The following PCDHGA8 variants were observed in gnomAD, a reference collection of about 807,000 sequenced individuals.
The protein encoded by PCDHGA8 is protocadherin gamma subfamily A, 8, also known as protocadherin gamma-A8.
PCDHGA8 carries 45 observed loss-of-function variants against 59.2 expected under a neutral mutation model. The ratio of observed to expected loss-of-function variants is 0.76; its 90% CI spans 0.60 to 0.98. The LOEUF (loss-of-function observed/expected upper bound fraction) is 0.98, where lower values mean the gene tolerates loss of function less well. PCDHGA8 is among the 50% of genes least tolerant of loss of function. The probability of loss-of-function intolerance (pLI) is 0.00; values close to 1 mark genes in which losing one functional copy is unlikely to be tolerated. For synonymous variants in PCDHGA8, 531 were observed against 519.0 expected (o/e 1.02, Z -0.32); for missense variants, 1,257 against 1,196.2 (o/e 1.05, Z -0.75).
At chr5:141,426,492 T>A (rs1439487321) in intron 1 of PCDHGA8, 11 of 336,712 alleles carry the variant, frequency 3.3e-5, no homozygotes, top group South Asian at 2.6e-4. Flanking sequence ...TTAGAGTTAG[T>A]GCAGAGAAAC....
At chr5:141,445,632 T>C (rs940642775) in intron 1 of PCDHGA8, among the ~76,000 whole-genome samples, 19 of 152,116 alleles carry the variant, frequency 1.2e-4, no homozygotes, top group Admixed American at 1.1e-3. Flanking sequence ...GAAAGTGATA[T>C]TTAGAGAGAT....
In PCDHGA8 at chr5:141,453,101, TTTTTG is replaced by T. The variant is rs879618609; in HGVS notation, c.2425-41681_2425-41677del. ...GTTGATTAGTATATTTTCTGTTGCT[TTTTTG>T]TTTTGTTTTGTTTTGTTTTGTTTTT... On this transcript the variant is annotated intron_variant, in intron 1 of 3. Transcript: ENST00000398604. 4.4e-4 allele frequency among the ~76,000 whole-genome samples: 67 copies of T among 152,130 alleles called. 1 individual carries two copies. Among genetic ancestry groups the T allele is most frequent in the African/African-American group, 1.4e-3 (58 of 41,484 alleles).
chr5:141,506,280 C>CT (rs1455257972), intron 3 of PCDHGA8, among the ~76,000 whole-genome samples: 1 of 152,024 alleles, frequency 6.6e-6, no homozygotes, highest in Non-Finnish European at 1.5e-5. Flanking sequence ...GAAACCCTGT[C>CT]TCTACTAAAA....
chr5:141,501,621 A>T (rs1348614977), intron 2 of PCDHGA8, among the ~76,000 whole-genome samples: 1 of 152,100 alleles, frequency 6.6e-6, no homozygotes, highest in Non-Finnish European at 1.5e-5. Context: ...ACTCTGGTAT[A>T]GTCTCTCAAC....
At chr5:141,418,894 A>G (rs200182481) in intron 1 of PCDHGA8, 2 of 1,614,004 alleles carry the variant, frequency 1.2e-6, no homozygotes, top group East Asian at 4.5e-5. Context: ...ACAACAGCCC[A>G]GAAATAATCA....
At chr5:141,448,921 G>A (rs1323304761) in intron 1 of PCDHGA8, among the ~76,000 whole-genome samples, 3 of 152,120 alleles carry the variant, frequency 2.0e-5, no homozygotes, top group Admixed American at 1.3e-4. Flanking sequence ...CTCCAGCCTG[G>A]GCGACAGAGC....
At chr5:141,417,982 G>A (rs756382601) in intron 1 of PCDHGA8, 4 of 1,613,886 alleles carry the variant, frequency 2.5e-6, no homozygotes, top group Admixed American at 3.3e-5. Flanking sequence ...CGGAGGAGCT[G>A]GCCAAGGGCT....
chr5:141,459,548 C>G (rs980305784), intron 1 of PCDHGA8, among the ~76,000 whole-genome samples: 2 of 152,036 alleles, frequency 1.3e-5, no homozygotes, highest in African/African-American at 4.8e-5. Flanking sequence ...TTTTATTTCT[C>G]TTGGATAAAT....
In PCDHGA8 at chr5:141,491,667, G is replaced by C. The variant is rs746903142; in HGVS notation, c.2425-3140G>C. The C allele has an allele frequency of 3.7e-6, 6 of 1,613,678 alleles. No individual in the cohort carries two copies. The South Asian group carries it at 6.6e-5, about 18-fold the overall frequency. On this transcript the variant is annotated intron_variant, in intron 1 of 3. Transcript: ENST00000398604. This position sits in a 1 kb window ranked among gnomAD's most constrained non-coding sequence, Gnocchi z 6.9. Reference sequence around the variant, plus strand: ...TGGCGCTGGAGCCTGACGCCATCCGGTCCCGCTCTAATACGCTGCGGGAGC... The same window carrying C: ...TGGCGCTGGAGCCTGACGCCATCCGCTCCCGCTCTAATACGCTGCGGGAGC...
chr5:141,413,122 G>A, intron 1 of PCDHGA8: 1 of 1,525,890 alleles, frequency 6.6e-7, no homozygotes. Flanking sequence ...GGAACCGGTT[G>A]AAACACACAA....
At chr5:141,460,122 G>A (rs530307574) in intron 1 of PCDHGA8, among the ~76,000 whole-genome samples, 2 of 151,928 alleles carry the variant, frequency 1.3e-5, no homozygotes, top group African/African-American at 4.8e-5. Flanking sequence ...TTTTATATAT[G>A]TAATATATAT....
Position 141,490,202 on chromosome 5 carries a change from G to A in PCDHGA8, c.2425-4605G>A, listed in dbSNP as rs1594889134. On this transcript the variant is annotated intron_variant, in intron 1 of 3. Coordinates refer to ENST00000398604, the MANE Select transcript of PCDHGA8 (RefSeq NM_032088.2). The surrounding 1 kb of genome is among the most constrained non-coding windows in gnomAD (Gnocchi z 5.4). ...TCACGTTTCTATGAAATTCATGCAA[G>A]AGCCCGTGACCAGGGACAGCCTGCC... 1.2e-6 allele frequency: 2 copies of A among 1,614,220 alleles called. No homozygotes were observed. The highest frequency in any genetic ancestry group is 2.7e-5 in the African/African-American group (2 of 75,060).
intron 1 of PCDHGA8, chr5:141,398,042 T>C: frequency 6.7e-7 from 1 of 1,495,000 alleles, no homozygotes; most frequent in East Asian, 2.4e-5. Context: ...CTAAAGCCCG[T>C]TCGGAGATCC....
At chr5:141,447,209 G>A (rs1004956165) in intron 1 of PCDHGA8, among the ~76,000 whole-genome samples, 3 of 151,850 alleles carry the variant, frequency 2.0e-5, no homozygotes, top group East Asian at 3.9e-4. Context: ...GCTTGATCTC[G>A]GCTCACTGCA....
intron 1 of PCDHGA8, chr5:141,410,314 C>T: frequency 6.2e-7 from 1 of 1,614,036 alleles, no homozygotes; most frequent in Non-Finnish European, 8.5e-7. Context: ...TGCTCTTCCT[C>T]CTCGCCGTGA....
chr5:141,400,789 C>G (rs1415192979), intron 1 of PCDHGA8: 1 of 561,844 alleles, frequency 1.8e-6, no homozygotes, highest in Non-Finnish European at 3.1e-6. Context: ...TTTTTGTCCT[C>G]TTTCTCAAAG....
intron 1 of PCDHGA8, chr5:141,430,941 A>G: frequency 6.2e-7 from 1 of 1,608,258 alleles, no homozygotes; most frequent in Non-Finnish European, 8.5e-7. Context: ...GAGCTCGCGG[A>G]GCGCGGAGTC....
chr5:141,489,254 C>T lies in PCDHGA8; in HGVS notation c.2425-5553C>T, dbSNP rs2099684538. 2 of 1,548,628 alleles carry T rather than the reference C, an allele frequency of 1.3e-6. No homozygotes were observed. Among genetic ancestry groups the T allele is most frequent in the African/African-American group, 1.4e-5 (1 of 73,008 alleles). ...GACTTCTGGGTCATGGGGCCCAAGA[C>T]ACTCCCACAGCTCGCTGGGAAATGG... is the stretch of plus-strand genomic sequence containing the variant. On this transcript the variant is annotated intron_variant, in intron 1 of 3. Transcript: ENST00000398604. This position sits in a 1 kb window ranked among gnomAD's most constrained non-coding sequence, Gnocchi z 4.5.
At position 141,395,234 on chromosome 5, in the gene PCDHGA8, T is replaced by C; in HGVS notation, c.2421T>C (p.Gly807=). 1 of 1,601,772 alleles carries C rather than the reference T, an allele frequency of 6.2e-7. No individual in the cohort carries two copies. The highest frequency in any genetic ancestry group is 8.5e-7 in the Non-Finnish European group (1 of 1,172,772). The change falls in exon 1 of 4, where the codon GGT becomes GGC. Residue 807 remains glycine (G), a synonymous_variant. Coordinates refer to ENST00000398604, the MANE Select transcript of PCDHGA8 (RefSeq NM_032088.2). ...AATATAAGAATGAAGCTGATCATGG[T>C]CAGGTGAGTTTAGTTCTTTGCTTGC... is the stretch of plus-strand genomic sequence containing the variant. ...FHEYKNEADH[G]QQAPPNTDWR...
Sources: gnomAD v4.1 joint callset for allele counts (sites outside exome capture counted in the v4.1 genomes callset) on GRCh38, gnomAD v4.1.1 for gene constraint, Gnocchi (gnomAD v3.1) non-coding constraint, MANE v1.5 for transcripts, NCBI Gene and HGNC (gene_info 2026-07-23, HGNC 2026-07-21) for gene names.